CDH12: variants seen among roughly 807,000 people sequenced by gnomAD.
CDH12 encodes the protein cadherin-12.
CDH12 carries 41 observed loss-of-function variants against 74.1 expected under a neutral mutation model. The observed-to-expected ratio is 0.55, with a 90% CI of 0.43 to 0.72. The LOEUF is 0.72. Ranked by LOEUF, CDH12 falls within the 30% of genes least tolerant of loss-of-function variation. CDH12 has a pLI of 0.00. For synonymous variants in CDH12, 399 were observed against 355.0 expected, an observed-to-expected ratio of 1.12 and a Z score of -1.39; for missense variants, 945 against 977.2, an observed-to-expected ratio of 0.97 and a Z score of 0.44.
chr5:22,231,541 A>G (rs548394133), intron 3 of CDH12, among the ~76,000 whole-genome samples: 2 of 152,084 alleles, frequency 1.3e-5, no homozygotes, highest in Non-Finnish European at 2.9e-5. Flanking sequence ...CTCTTTATTT[A>G]GTAGGTACCA....
chr5:22,690,548 G>A lies in CDH12; in HGVS notation c.-523+162510C>T, dbSNP rs189047609. ...TAAAATTATTATATATCACATGACAGCAAGTATATAAAGTCAAGGAGAGAA... is the reference window on the plus strand; with the variant it reads ...TAAAATTATTATATATCACATGACAACAAGTATATAAAGTCAAGGAGAGAA... On this transcript the variant is annotated intron_variant, in intron 1 of 14. Transcript: ENST00000382254. Among the ~76,000 whole-genome samples, 45 of 152,222 alleles carry A rather than the reference G, an allele frequency of 3.0e-4. No individual in the cohort carries two copies. The East Asian group carries it at 4.8e-3, about 16-fold the overall frequency.
At chr5:22,350,884 T>A (rs1740330500) in intron 3 of CDH12, among the ~76,000 whole-genome samples, 1 of 152,180 alleles carries the variant, frequency 6.6e-6, no homozygotes, top group African/African-American at 2.4e-5. Flanking sequence ...AAATTGGGAT[T>A]TCACATCTAG....
intron 2 of CDH12, among the ~76,000 whole-genome samples, chr5:22,422,179 C>A (rs1193336465): frequency 1.3e-5 from 2 of 151,976 alleles, no homozygotes; most frequent in African/African-American, 4.8e-5. Context: ...ATGCTTCCAG[C>A]TTTTGCCTAT....
intron 10 of CDH12, among the ~76,000 whole-genome samples, chr5:21,783,837 T>C (rs1746051176): frequency 6.6e-6 from 1 of 152,146 alleles, no homozygotes. Context: ...ACAGTGGCTA[T>C]GACTGTGTAA....
Position 22,738,375 on chromosome 5 carries a change from C to A in CDH12, c.-523+114683G>T, listed in dbSNP as rs551655111. 3.9e-5 allele frequency among the ~76,000 whole-genome samples: 6 copies of A among 152,144 alleles called. No homozygotes were observed. The South Asian group carries it at 1.2e-3, about 32-fold the overall frequency. On this transcript the variant is annotated intron_variant, in intron 1 of 14. Transcript: ENST00000382254. ...TTCAGGGAAAAGGTATTATCTTAAA[C>A]CTAGAGTGCAGCCAAATTGACAATG...
At chr5:22,814,730 G>A (rs549852724) in intron 1 of CDH12, among the ~76,000 whole-genome samples, 12 of 152,118 alleles carry the variant, frequency 7.9e-5, no homozygotes, top group African/African-American at 2.9e-4. Flanking sequence ...GCTATTAACT[G>A]TTTTCAGATA....
intron 6 of CDH12, among the ~76,000 whole-genome samples, chr5:21,907,226 C>T (rs1753681100): frequency 6.6e-6 from 1 of 152,072 alleles, no homozygotes; most frequent in Non-Finnish European, 1.5e-5. Context: ...TTAAAAAATA[C>T]GCCCAAATAG....
rs115024722 is a variant in CDH12 at position 21,824,674 on chromosome 5, A to G, written c.815-7542T>C. On this transcript the variant is annotated intron_variant, in intron 8 of 14. Coordinates refer to ENST00000382254, the MANE Select transcript of CDH12 (RefSeq NM_004061.5). ...AATTTCCCCCATTTTCTGGGAAAAT[A>G]TATTAGAGTTTATTGTTTGTCTTAG... 8.7e-3 allele frequency among the ~76,000 whole-genome samples: 1,329 copies of G among 152,226 alleles called. 24 individuals are homozygous for G. The highest frequency in any genetic ancestry group is 0.03 in the African/African-American group (1,255 of 41,536).
chr5:22,322,756 A>G (rs1216447602), intron 3 of CDH12, among the ~76,000 whole-genome samples: 1 of 152,200 alleles, frequency 6.6e-6, no homozygotes, highest in East Asian at 1.9e-4. Flanking sequence ...GAATTTATTT[A>G]TTAGGCTCAT....
chr5:22,160,005 A>G (rs754156578), intron 4 of CDH12, among the ~76,000 whole-genome samples: 4 of 152,138 alleles, frequency 2.6e-5, no homozygotes, highest in Non-Finnish European at 4.4e-5. Flanking sequence ...AGACGGAGTA[A>G]AAATAAAATA....
intron 7 of CDH12, among the ~76,000 whole-genome samples, 176 bp downstream of exon 7, chr5:21,854,495 A>G (rs1240057333): frequency 6.6e-6 from 1 of 151,764 alleles, no homozygotes; most frequent in African/African-American, 2.4e-5. Flanking sequence ...CACAAAGTTC[A>G]CTTAAATGGA....
intron 2 of CDH12, among the ~76,000 whole-genome samples, chr5:22,424,473 C>T (rs35396089): frequency 0.27 from 41,171 of 151,984 alleles, 5,633 homozygotes; most frequent in East Asian, 0.34. Flanking sequence ...TGGTAACTGG[C>T]CACAGAAACC....
At chr5:22,548,073 C>T (rs932598543) in intron 1 of CDH12, among the ~76,000 whole-genome samples, 1 of 152,126 alleles carries the variant, frequency 6.6e-6, no homozygotes, top group Non-Finnish European at 1.5e-5. Flanking sequence ...TGTCATGACA[C>T]CTTCTGCATC....
chr5:22,767,949 G>C (rs562745187), intron 1 of CDH12, among the ~76,000 whole-genome samples: 1 of 152,030 alleles, frequency 6.6e-6, no homozygotes, highest in East Asian at 1.9e-4. Context: ...TGATTAAAGA[G>C]AAGAAAGTAT....
chr5:22,545,869 CT>C (rs1554048675), intron 1 of CDH12, among the ~76,000 whole-genome samples: 1 of 152,032 alleles, frequency 6.6e-6, no homozygotes, highest in Non-Finnish European at 1.5e-5. Context: ...GCAGTACTTA[CT>C]TTTTTCTTTA....
chr5:22,026,155 C>A lies in CDH12; in HGVS notation c.232-50770G>T, dbSNP rs79062947. ...CAGAAGGTTATCAATTTACTTTGCC[C>A]AGATCCATCAGAGGCATGGCGCCAG... is the stretch of plus-strand genomic sequence containing the variant. On this transcript the variant is annotated intron_variant, in intron 5 of 14. Transcript: ENST00000382254. 6.0e-3 allele frequency among the ~76,000 whole-genome samples: 911 copies of A among 152,222 alleles called. 6 individuals carry two copies. The highest frequency in any genetic ancestry group is 0.021 in the African/African-American group (873 of 41,538).
chr5:22,322,284 A>G (rs1265573037), intron 3 of CDH12, among the ~76,000 whole-genome samples: 1 of 152,300 alleles, frequency 6.6e-6, no homozygotes, highest in Non-Finnish European at 1.5e-5. Flanking sequence ...CCAAGCATTA[A>G]AAAGTAAATG....
In CDH12 at chr5:22,511,530, T is replaced by C. The variant is rs147657359; in HGVS notation, c.-522-6166A>G. 2.0e-5 allele frequency among the ~76,000 whole-genome samples: 3 copies of C among 152,286 alleles called. No individual in the cohort carries two copies. The East Asian group carries it at 5.8e-4, about 29-fold the overall frequency. ...AAAAAAGCACAATAATAACACATAATTTCTCATTGAATTAGTTGGCAAAAA... is the reference window on the plus strand; with the variant it reads ...AAAAAAGCACAATAATAACACATAACTTCTCATTGAATTAGTTGGCAAAAA... On this transcript the variant is annotated intron_variant, in intron 1 of 14. Coordinates refer to ENST00000382254, the MANE Select transcript of CDH12 (RefSeq NM_004061.5).
At chr5:22,090,715 G>C (rs1289758685) in intron 4 of CDH12, among the ~76,000 whole-genome samples, 3 of 151,672 alleles carry the variant, frequency 2.0e-5, no homozygotes, top group African/African-American at 4.8e-5. Context: ...AAATACGAAA[G>C]AGATTATACA....
Sources: allele counts gnomAD v4.1 joint callset (sites outside exome capture counted in the v4.1 genomes callset), GRCh38; gene constraint gnomAD v4.1.1; transcripts MANE v1.5; gene names NCBI Gene and HGNC (gene_info 2026-07-23, HGNC 2026-07-21).